Variants in LHFPL3 observed in about 807,000 individuals in gnomAD.
LHFPL3 encodes LHFPL tetraspan subfamily member 3.
A neutral mutation model predicts 19.3 loss-of-function variants in LHFPL3; 5 were observed. The observed-to-expected ratio is 0.26, with a 90% CI of 0.14 to 0.54. The LOEUF (loss-of-function observed/expected upper bound fraction) is 0.54, where lower values mean the gene tolerates loss of function less well. Among genes scored for constraint, LHFPL3 ranks in the 20% least tolerant of loss-of-function variants. The pLI is 0.94. For missense variants in LHFPL3, 249 were observed against 307.4 expected, an observed-to-expected ratio of 0.81 and a Z score of 1.42; for synonymous variants, 133 against 126.2, an observed-to-expected ratio of 1.05 and a Z score of -0.36.
At chr7:104,382,114 C>T (rs532037308) in intron 1 of LHFPL3, among the ~76,000 whole-genome samples, 4 of 152,144 alleles carry the variant, frequency 2.6e-5, no homozygotes, top group Non-Finnish European at 4.4e-5. Context: ...CCAATCCAGG[C>T]ACATGGATGC....
At chr7:104,676,437 T>C (rs1366583207) in intron 1 of LHFPL3, among the ~76,000 whole-genome samples, 1 of 152,136 alleles carries the variant, frequency 6.6e-6, no homozygotes, top group Non-Finnish European at 1.5e-5. Flanking sequence ...TCCAAAGGAG[T>C]AAAACACATA....
In LHFPL3 at chr7:104,328,742, G is replaced by C. The variant is rs1020196121; in HGVS notation, c.-38G>C. On this transcript the variant is annotated 5_prime_UTR_variant, in exon 1 of 3. Coordinates refer to ENST00000424859, the MANE Select transcript of LHFPL3 (RefSeq NM_199000.3). This position sits in a 1 kb window ranked among gnomAD's most constrained non-coding sequence, Gnocchi z 4.6. Reference sequence around the variant, plus strand: ...GCGCTGAGAGGCGGGGGGAGGCGGAGGACCAGGAGGAGGAGGAGGAGGAGG... The same window carrying C: ...GCGCTGAGAGGCGGGGGGAGGCGGACGACCAGGAGGAGGAGGAGGAGGAGG... 2 of 1,505,606 alleles carry C rather than the reference G, an allele frequency of 1.3e-6. No individual in the cohort carries two copies. Among genetic ancestry groups the C allele is most frequent in the African/African-American group, 1.5e-5 (1 of 65,220 alleles). 93.3% of individuals were successfully genotyped at this position (1,505,606 alleles called of 1,614,324 possible). A position where few individuals can be genotyped will look rare whatever the true frequency, so the allele number is the denominator to read the frequency against.
chr7:104,499,618 A>C (rs974209070), intron 1 of LHFPL3, among the ~76,000 whole-genome samples: 1 of 152,218 alleles, frequency 6.6e-6, no homozygotes, highest in Admixed American at 6.5e-5. Context: ...CCAATATTGT[A>C]TCATTAATTA....
chr7:104,668,662 C>A, intron 1 of LHFPL3: 2 of 1,609,672 alleles, frequency 1.2e-6, no homozygotes, highest in Non-Finnish European at 1.7e-6. Flanking sequence ...GATGATCGGT[C>A]GTGGAGCTCC....
intron 2 of LHFPL3, among the ~76,000 whole-genome samples, chr7:104,849,843 G>A (rs1242218990): frequency 2.0e-5 from 3 of 152,202 alleles, no homozygotes; most frequent in African/African-American, 7.2e-5. Context: ...AGTCAAACAA[G>A]GTGGATCAGA....
chr7:104,556,607 G>A (rs897481842), intron 1 of LHFPL3, among the ~76,000 whole-genome samples: 12 of 152,202 alleles, frequency 7.9e-5, no homozygotes, highest in African/African-American at 2.4e-4. Flanking sequence ...CTGTGATGGG[G>A]AGGTGCTGCT....
chr7:104,427,743 AG>A (rs1464372812), intron 1 of LHFPL3, among the ~76,000 whole-genome samples: 1 of 152,220 alleles, frequency 6.6e-6, no homozygotes, highest in Non-Finnish European at 1.5e-5. Flanking sequence ...ATGTGGAATC[AG>A]AAGTTCTGAA....
At chr7:104,678,439 G>T (rs1029888051) in intron 1 of LHFPL3, among the ~76,000 whole-genome samples, 1 of 152,118 alleles carries the variant, frequency 6.6e-6, no homozygotes, top group Non-Finnish European at 1.5e-5. Context: ...CCACTTAAAA[G>T]GAAGAGGGAA....
chr7:104,707,863 C>T (rs1458208474), intron 1 of LHFPL3, among the ~76,000 whole-genome samples: 1 of 152,160 alleles, frequency 6.6e-6, no homozygotes, highest in Admixed American at 6.5e-5. Context: ...TGTCCAGCCA[C>T]GATACTACAA....
chr7:104,426,454 C>T (rs1343369170), intron 1 of LHFPL3, among the ~76,000 whole-genome samples: 3 of 152,084 alleles, frequency 2.0e-5, no homozygotes, highest in Admixed American at 2.0e-4. Flanking sequence ...CAGGGTTTCT[C>T]CATGTTGGTC....
intron 1 of LHFPL3, among the ~76,000 whole-genome samples, chr7:104,705,751 A>G (rs1359156964): frequency 1.3e-5 from 2 of 152,164 alleles, no homozygotes; most frequent in African/African-American, 4.8e-5. Flanking sequence ...CAGTCCCCAC[A>G]CTGAGGCAGA....
chr7:104,823,173 T>C (rs1184016523), intron 2 of LHFPL3, among the ~76,000 whole-genome samples: 2 of 152,138 alleles, frequency 1.3e-5, no homozygotes, highest in African/African-American at 4.8e-5. Flanking sequence ...CCCAGATTAA[T>C]AAATAATTTC....
chr7:104,474,394 G>A lies in LHFPL3; in HGVS notation c.445+145170G>A, dbSNP rs149284756. 4.1e-3 allele frequency among the ~76,000 whole-genome samples: 631 copies of A among 152,090 alleles called. 4 individuals carry two copies. Among genetic ancestry groups the A allele is most frequent in the African/African-American group, 0.014 (591 of 41,472 alleles). ...TAAGAAAGGGTCTTGGCCGGGTGCG[G>A]TGTCTCACGCCTGTAATCCCAGCAC... On this transcript the variant is annotated intron_variant, in intron 1 of 2. Coordinates refer to ENST00000424859, the MANE Select transcript of LHFPL3 (RefSeq NM_199000.3).
chr7:104,781,195 C>T (rs550455051), intron 2 of LHFPL3, among the ~76,000 whole-genome samples: 1 of 152,316 alleles, frequency 6.6e-6, no homozygotes, highest in Admixed American at 6.5e-5. Context: ...CTGTCCCACC[C>T]AGTGGCTATT....
At chr7:104,764,043 T>C (rs925107849) in intron 2 of LHFPL3, among the ~76,000 whole-genome samples, 4 of 152,196 alleles carry the variant, frequency 2.6e-5, no homozygotes, top group African/African-American at 9.7e-5. Context: ...TCAACCTACT[T>C]CATTCTTTCT....
intron 1 of LHFPL3, among the ~76,000 whole-genome samples, chr7:104,398,844 G>C (rs55881808): frequency 0.089 from 6,313 of 70,544 alleles, 452 homozygotes; most frequent in African/African-American, 0.25. Context: ...TCTGATGCCC[G>C]CCCCCCGGCC....
chr7:104,483,437 TC>T (rs539546555), intron 1 of LHFPL3, among the ~76,000 whole-genome samples: 25 of 152,368 alleles, frequency 1.6e-4, no homozygotes, highest in African/African-American at 5.8e-4. Flanking sequence ...AAATTGATGA[TC>T]TATGGACTTT....
chr7:104,576,869 T>C (rs1423343864), intron 1 of LHFPL3, among the ~76,000 whole-genome samples: 8 of 152,182 alleles, frequency 5.3e-5, no homozygotes, highest in Admixed American at 5.2e-4. Context: ...CATTGCTTCC[T>C]GGGGGTCTTT....
At chr7:104,422,594 G>A (rs904514784) in intron 1 of LHFPL3, among the ~76,000 whole-genome samples, 1 of 152,192 alleles carries the variant, frequency 6.6e-6, no homozygotes, top group African/African-American at 2.4e-5. Context: ...GAGTTAAACT[G>A]CCTGGGCTTG....
Sources: gnomAD v4.1 joint callset for allele counts (sites outside exome capture counted in the v4.1 genomes callset) on GRCh38, gnomAD v4.1.1 for gene constraint, Gnocchi (gnomAD v3.1) non-coding constraint, MANE v1.5 for transcripts, NCBI Gene and HGNC (gene_info 2026-07-23, HGNC 2026-07-21) for gene names.